The following FKBP9 variants were observed in gnomAD, a reference collection of about 807,000 sequenced individuals.
FKBP9 encodes peptidyl-prolyl cis-trans isomerase FKBP9.
FKBP9 carries 27 observed loss-of-function variants against 55.6 expected under a neutral mutation model. The observed-to-expected ratio is 0.49, with a 90% CI of 0.36 to 0.67. FKBP9 has a LOEUF of 0.67. FKBP9 is among the 30% of genes least tolerant of loss of function. The pLI is 0.00. For missense variants in FKBP9, 539 were observed against 742.8 expected, an observed-to-expected ratio of 0.73 and a Z score of 3.19; for synonymous variants, 267 against 296.5, an observed-to-expected ratio of 0.90 and a Z score of 1.02.
chr7:32,977,870 C>CATGTATAT (rs780985630), intron 4 of FKBP9, among the ~76,000 whole-genome samples: 5 of 124,658 alleles, frequency 4.0e-5, no homozygotes, highest in African/African-American at 1.3e-4. Flanking sequence ...TATACATGCC[C>CATGTATAT]ATATATATAT....
chr7:32,961,866 A>AAAACAC (rs1784032135), intron 1 of FKBP9, among the ~76,000 whole-genome samples: 2 of 151,654 alleles, frequency 1.3e-5, no homozygotes, highest in South Asian at 2.1e-4. Flanking sequence ...CCTAGATGGG[A>AAAACAC]CCATCTAGTT....
chr7:32,995,865 G>C (rs572448557), intron 6 of FKBP9, among the ~76,000 whole-genome samples: 1 of 152,182 alleles, frequency 6.6e-6, no homozygotes, highest in African/African-American at 2.4e-5. Context: ...CATCTTTCAG[G>C]CTCAACGATT....
At chr7:32,961,001 A>G (rs1784010299) in intron 1 of FKBP9, among the ~76,000 whole-genome samples, 1 of 152,256 alleles carries the variant, frequency 6.6e-6, no homozygotes, top group Admixed American at 6.5e-5. Context: ...TGCCCAAGGA[A>G]CATAAGTACT....
rs1226725947 is a variant in FKBP9, at chr7:32,977,924, C to CTT, written c.703+1439_703+1440dup. ...ATATATATACTCATATATATATACA[C>CTT]TTTTTTTTTTTTTTTGAGACAGAGT... On this transcript the variant is annotated intron_variant, in intron 4 of 9. Transcript: ENST00000242209. Among the ~76,000 whole-genome samples the CTT allele has an allele frequency of 1.2e-3, 153 of 124,940 alleles. 2 individuals are homozygous for CTT. The highest frequency in any genetic ancestry group is 4.3e-3 in the African/African-American group (138 of 32,048). The allele number at this position is 124,940 out of a possible 152,430, so 82.0% of individuals were successfully genotyped here. A position where few individuals can be genotyped will look rare whatever the true frequency, so the allele number is the denominator to read the frequency against.
At chr7:32,990,216 TCAAAATACTTG>T (rs1784653596) in intron 6 of FKBP9, among the ~76,000 whole-genome samples, 1 of 152,136 alleles carries the variant, frequency 6.6e-6, no homozygotes, top group African/African-American at 2.4e-5. Context: ...CCAGGTGGCC[TCAAAATACTTG>T]CAACAGTCTT....
chr7:32,962,151 C>T (rs1302775304), intron 1 of FKBP9, among the ~76,000 whole-genome samples: 1 of 152,062 alleles, frequency 6.6e-6, no homozygotes, highest in Non-Finnish European at 1.5e-5. Flanking sequence ...AATCCCAGCA[C>T]TTTGGGAGGC....
chr7:32,976,808 T>A (rs1261202728), intron 4 of FKBP9, among the ~76,000 whole-genome samples: 3 of 152,204 alleles, frequency 2.0e-5, no homozygotes, highest in Non-Finnish European at 2.9e-5. Flanking sequence ...CTAGTCTGGA[T>A]TGTCTGCTGT....
chr7:33,005,318 C>G lies in FKBP9; in HGVS notation c.1680C>G (p.Leu560=). The change falls in exon 10 of 10, where the codon CTC becomes CTG. Residue 560 remains leucine, a synonymous_variant. Coordinates refer to ENST00000242209, the MANE Select transcript of FKBP9 (RefSeq NM_007270.5). ...AGGTCACAGCCGAGGAATTTAAACT[C>G]AAAGACCAGGAAGCCAAACACGATG... ...DGKVTAEEFK[L]KDQEAKHDEL 1.2e-6 allele frequency: 2 copies of G among 1,614,208 alleles called. No homozygotes were observed. The highest frequency in any genetic ancestry group is 1.7e-6 in the Non-Finnish European group (2 of 1,180,042).
chr7:32,969,354 T>G lies in FKBP9; in HGVS notation c.222-5263T>G, dbSNP rs561125560. Among the ~76,000 whole-genome samples the G allele has an allele frequency of 3.7e-3, 558 of 152,042 alleles. 4 individuals are homozygous for G. Among genetic ancestry groups the G allele is most frequent in the African/African-American group, 0.012 (492 of 41,472 alleles). ...GTGTTTTTTTCCTAGTTTTATAGTT[T>G]TGGATCTTATATTTATGCATTTAAT... On this transcript the variant is annotated intron_variant, in intron 1 of 9. Transcript: ENST00000242209.
chr7:32,978,153 G>A (rs1784402472), intron 4 of FKBP9, among the ~76,000 whole-genome samples: 1 of 151,588 alleles, frequency 6.6e-6, no homozygotes, highest in African/African-American at 2.4e-5. Flanking sequence ...AACTGCTGAG[G>A]TCAAGCCATC....
intron 5 of FKBP9, among the ~76,000 whole-genome samples, 191 bp from the exon 6 acceptor site, chr7:32,988,316 T>G (rs1250023190): frequency 2.0e-5 from 3 of 152,224 alleles, no homozygotes; most frequent in Non-Finnish European, 4.4e-5. Context: ...GCTGTTCACA[T>G]GCTGTGTGGG....
At chr7:32,976,290 C>T (rs3750115) in intron 3 of FKBP9, 64 bp from the exon 4 acceptor site, 33,031 of 1,600,970 alleles carry the variant, frequency 0.021, 1,519 homozygotes, top group East Asian at 0.19. Context: ...AAAAACCGTA[C>T]GGAGAGATGA....
chr7:32,960,711 T>G (rs576572734), intron 1 of FKBP9, among the ~76,000 whole-genome samples: 3 of 152,216 alleles, frequency 2.0e-5, no homozygotes, highest in Admixed American at 2.0e-4. Context: ...TCAAACGTTT[T>G]TCAGCGTCTA....
chr7:32,989,705 C>T (rs1290081128), intron 6 of FKBP9, among the ~76,000 whole-genome samples: 8 of 152,170 alleles, frequency 5.3e-5, no homozygotes, highest in Admixed American at 1.3e-4. Context: ...TAGATGTGAG[C>T]GCCATGCCAT....
At chr7:32,967,706 C>T in intron 1 of FKBP9, among the ~76,000 whole-genome samples, 1 of 152,108 alleles carries the variant, frequency 6.6e-6, no homozygotes. Flanking sequence ...GTGCAAATAT[C>T]TGAGTTGTTG....
intron 7 of FKBP9, among the ~76,000 whole-genome samples, chr7:32,997,423 C>T (rs1784840369): frequency 6.6e-6 from 1 of 151,782 alleles, no homozygotes; most frequent in African/African-American, 2.4e-5. Context: ...CACTATGTTG[C>T]CCAGGCTGGT....
At chr7:32,965,287 C>T (rs1377109907) in intron 1 of FKBP9, among the ~76,000 whole-genome samples, 1 of 151,994 alleles carries the variant, frequency 6.6e-6, no homozygotes, top group Non-Finnish European at 1.5e-5. Context: ...TATGCTACCA[C>T]ACCTGGCTAA....
intron 5 of FKBP9, among the ~76,000 whole-genome samples, chr7:32,982,391 G>T (rs1003473193): frequency 6.6e-6 from 1 of 151,956 alleles, no homozygotes; most frequent in Non-Finnish European, 1.5e-5. Flanking sequence ...TAAATTATAC[G>T]GATTTCAGAA....
At chr7:32,960,108 CTTTTTT>C (rs398004304) in intron 1 of FKBP9, among the ~76,000 whole-genome samples, 6 of 98,622 alleles carry the variant, frequency 6.1e-5, no homozygotes, top group African/African-American at 1.6e-4. Context: ...TTGTACTTGT[CTTTTTT>C]TTTTTTTTTT....
Sources: gnomAD v4.1 joint callset for allele counts (sites outside exome capture counted in the v4.1 genomes callset) on GRCh38, gnomAD v4.1.1 for gene constraint, MANE v1.5 for transcripts, NCBI Gene and HGNC (gene_info 2026-07-23, HGNC 2026-07-21) for gene names.